The following KRABD5 variants were observed in gnomAD, a reference collection of about 807,000 sequenced individuals.
KRABD5 encodes KRAB domain containing 5, also known as KRAB domain-containing protein 5.
chr16:31,743,288 T>C, the KRABD5 span, among the ~76,000 whole-genome samples: 1 of 152,198 alleles, frequency 6.6e-6, no homozygotes. Context: ...CATCTTGAGT[T>C]AGTTTTTGTA....
chr16:31,727,009 A>T, the KRABD5 span, among the ~76,000 whole-genome samples: 1 of 152,200 alleles, frequency 6.6e-6, no homozygotes, highest in Non-Finnish European at 1.5e-5. Context: ...CCTTTGTTAA[A>T]TGGAATCATA....
At chr16:31,715,342 A>G in the KRABD5 span, among the ~76,000 whole-genome samples, 8 of 152,354 alleles carry the variant, frequency 5.3e-5, no homozygotes, top group East Asian at 1.2e-3. Flanking sequence ...CATCTAAGTC[A>G]TAACAGGAAG....
the KRABD5 span, among the ~76,000 whole-genome samples, chr16:31,728,597 T>A: frequency 6.6e-6 from 1 of 152,268 alleles, no homozygotes; most frequent in Admixed American, 6.5e-5. Context: ...TTTGTGAATT[T>A]CCAGTTTTCT....
chr16:31,751,696 G>A, the KRABD5 span, among the ~76,000 whole-genome samples: 31 of 152,042 alleles, frequency 2.0e-4, no homozygotes, highest in Non-Finnish European at 3.5e-4. Context: ...TATCAATCTC[G>A]TTTACCCTTT....
chr16:31,752,700 T>C, the KRABD5 span, among the ~76,000 whole-genome samples: 1 of 152,114 alleles, frequency 6.6e-6, no homozygotes, highest in Non-Finnish European at 1.5e-5. Flanking sequence ...ACCCTGGTTG[T>C]ACAAAGAACT....
chr16:31,720,204 C>T, the KRABD5 span, among the ~76,000 whole-genome samples: 1 of 152,244 alleles, frequency 6.6e-6, no homozygotes, highest in African/African-American at 2.4e-5. Context: ...TTACTGTCCT[C>T]TCCAGCCTCT....
At chr16:31,742,878 A>G in the KRABD5 span, among the ~76,000 whole-genome samples, 7 of 152,116 alleles carry the variant, frequency 4.6e-5, no homozygotes, top group Non-Finnish European at 7.4e-5. Context: ...ATGGTGTCTC[A>G]TTATGGTTTT....
chr16:31,715,815 CA>C, the KRABD5 span, among the ~76,000 whole-genome samples: 10 of 152,148 alleles, frequency 6.6e-5, no homozygotes, highest in African/African-American at 2.4e-4. Flanking sequence ...AAAGATAGCA[CA>C]GGGACCTGGG....
At chr16:31,731,038 C>G in the KRABD5 span, among the ~76,000 whole-genome samples, 1 of 152,130 alleles carries the variant, frequency 6.6e-6, no homozygotes, top group Non-Finnish European at 1.5e-5. Context: ...TTCAGATCTC[C>G]ATTTCTTTGG....
the KRABD5 span, among the ~76,000 whole-genome samples, chr16:31,723,576 TCA>T: frequency 6.6e-6 from 1 of 152,198 alleles, no homozygotes; most frequent in Non-Finnish European, 1.5e-5. Flanking sequence ...ACCATCAAAT[TCA>T]CAGTGACAGC....
chr16:31,730,673 A>C, the KRABD5 span, among the ~76,000 whole-genome samples: 1 of 152,046 alleles, frequency 6.6e-6, no homozygotes, highest in East Asian at 1.9e-4. Flanking sequence ...AAAATCCTAA[A>C]ATATGTATAT....
the KRABD5 span, among the ~76,000 whole-genome samples, chr16:31,729,359 CAGAG>C: frequency 1.3e-5 from 2 of 152,176 alleles, no homozygotes; most frequent in African/African-American, 4.8e-5. Context: ...GCAGGGAAGG[CAGAG>C]AGCATGACAC....
chr16:31,737,356 G>A, the KRABD5 span, among the ~76,000 whole-genome samples: 11 of 152,248 alleles, frequency 7.2e-5, 1 homozygote, highest in Non-Finnish European at 1.0e-4. Context: ...CTGTAAAGTC[G>A]CAGGATACAA....
chr16:31,753,786 C>A, the KRABD5 span: 1 of 1,520,064 alleles, frequency 6.6e-7, no homozygotes, highest in South Asian at 1.3e-5. Flanking sequence ...TCATGATACT[C>A]AAGGCCTCTT....
At chr16:31,721,165 T>C in the KRABD5 span, among the ~76,000 whole-genome samples, 3 of 152,208 alleles carry the variant, frequency 2.0e-5, no homozygotes, top group African/African-American at 7.2e-5. Flanking sequence ...TTAGTCTTCA[T>C]AGTTTGTTAA....
the KRABD5 span, among the ~76,000 whole-genome samples, chr16:31,721,398 G>A: frequency 6.6e-6 from 1 of 151,764 alleles, no homozygotes; most frequent in African/African-American, 2.4e-5. Flanking sequence ...ACTTATCTCT[G>A]CATATTGGCC....
At chr16:31,757,236 G>GCAGGAGGATCATTTGAGGT in the KRABD5 span, 1 of 152,360 alleles carries the variant, frequency 6.6e-6, no homozygotes, top group South Asian at 2.1e-4. Context: ...GGAGGCTGAG[G>GCAGGAGGATCATTTGAGGT]CAGGAGGATC....
the KRABD5 span, chr16:31,723,157 T>C: frequency 1.6e-6 from 2 of 1,278,488 alleles, no homozygotes; most frequent in Non-Finnish European, 2.2e-6. Context: ...GAAGTAATTT[T>C]CTAGGATCCT....
At chr16:31,758,944 G>A in the KRABD5 span, 1 of 155,266 alleles carries the variant, frequency 6.4e-6, no homozygotes, top group Non-Finnish European at 1.4e-5. Context: ...ATAACACATG[G>A]AATAAGAAGA....
Sources: gnomAD v4.1 joint callset for allele counts (sites outside exome capture counted in the v4.1 genomes callset) on GRCh38, gnomAD v4.1.1 for gene constraint, MANE v1.5 for transcripts, NCBI Gene and HGNC (gene_info 2026-07-23, HGNC 2026-07-21) for gene names.